The following C6 variants were observed in gnomAD, a reference collection of about 807,000 sequenced individuals.
C6 encodes complement component C6.
In C6, 101 loss-of-function variants were observed where a neutral mutation model predicts 112.9. That is an observed-to-expected ratio of 0.89 (90% CI 0.76 to 1.06). The LOEUF (loss-of-function observed/expected upper bound fraction) is 1.06, where lower values mean the gene tolerates loss of function less well. Among genes scored for constraint, C6 ranks in the 50% least tolerant of loss-of-function variants. C6 has a pLI of 0.00. For synonymous variants in C6, 431 were observed against 384.1 expected, an observed-to-expected ratio of 1.12 and a Z score of -1.43; for missense variants, 1,202 against 1,104.6, an observed-to-expected ratio of 1.09 and a Z score of -1.25.
intron 1 of C6, among the ~76,000 whole-genome samples, chr5:41,209,202 G>T (rs1419192039): frequency 6.6e-6 from 1 of 152,056 alleles, no homozygotes; most frequent in African/African-American, 2.4e-5. Context: ...AATAAACTAG[G>T]TATTGATGGG....
intron 1 of C6, among the ~76,000 whole-genome samples, chr5:41,205,746 C>T (rs906302859): frequency 1.3e-5 from 2 of 152,202 alleles, no homozygotes; most frequent in African/African-American, 4.8e-5. Context: ...TGGAGCCCAC[C>T]ACAGCTCAAG....
At chr5:41,219,675 T>G in intron 1 of C6, among the ~76,000 whole-genome samples, 1 of 152,114 alleles carries the variant, frequency 6.6e-6, no homozygotes, top group East Asian at 1.9e-4. Flanking sequence ...CTTAGCTAAG[T>G]TCGTAGTTAC....
At chr5:41,240,752 C>T (rs1258063481) in intron 1 of C6, among the ~76,000 whole-genome samples, 2 of 152,154 alleles carry the variant, frequency 1.3e-5, no homozygotes, top group African/African-American at 4.8e-5. Context: ...GTGGTGCACA[C>T]ATGTGCCCAG....
chr5:41,261,085 C>T (rs982733015), intron 1 of C6: 5 of 532,940 alleles, frequency 9.4e-6, no homozygotes, highest in African/African-American at 4.1e-5. Context: ...GAACTACTGC[C>T]TTTGTAAACT....
chr5:41,220,864 CT>C (rs1199684002), intron 1 of C6, among the ~76,000 whole-genome samples: 2 of 152,014 alleles, frequency 1.3e-5, no homozygotes, highest in Non-Finnish European at 2.9e-5. Flanking sequence ...TCCTTCTCCC[CT>C]GACCCAATAG....
intron 1 of C6, among the ~76,000 whole-genome samples, chr5:41,255,561 C>T (rs1336622464): frequency 6.6e-6 from 1 of 152,140 alleles, no homozygotes; most frequent in Non-Finnish European, 1.5e-5. Context: ...GGAAGGGACT[C>T]TAATCAGGAA....
chr5:41,169,933 T>A (rs1748287192), intron 9 of C6, among the ~76,000 whole-genome samples: 1 of 152,202 alleles, frequency 6.6e-6, no homozygotes, highest in African/African-American at 2.4e-5. Context: ...TCTGAATTAT[T>A]CCAATTGGTT....
At chr5:41,218,750 ACAC>A (rs1738983701) in intron 1 of C6, among the ~76,000 whole-genome samples, 1 of 152,148 alleles carries the variant, frequency 6.6e-6, no homozygotes, top group African/African-American at 2.4e-5. Context: ...TACTATTTAA[ACAC>A]AGTGTGAAGC....
At chr5:41,210,743 T>A (rs1161697327) in intron 1 of C6, among the ~76,000 whole-genome samples, 1 of 152,108 alleles carries the variant, frequency 6.6e-6, no homozygotes, top group Non-Finnish European at 1.5e-5. Flanking sequence ...AAACAACAGG[T>A]GCTGGAGAGG....
intron 5 of C6, 159 bp from the exon 6 acceptor site, chr5:41,186,367 G>T: frequency 1.4e-6 from 1 of 729,598 alleles, no homozygotes; most frequent in Non-Finnish European, 2.3e-6. Flanking sequence ...CTAGTCCATG[G>T]TGAGGCATGC....
chr5:41,160,742 C>G (rs1747410215), intron 10 of C6, among the ~76,000 whole-genome samples: 1 of 152,074 alleles, frequency 6.6e-6, no homozygotes, highest in African/African-American at 2.4e-5. Context: ...ATTCAAGCAG[C>G]AAAAAATTTA....
chr5:41,182,233 G>A (rs1001114473), intron 6 of C6, among the ~76,000 whole-genome samples: 11 of 150,464 alleles, frequency 7.3e-5, no homozygotes, highest in African/African-American at 1.2e-4. Flanking sequence ...CACTTTAAGA[G>A]TTGATGGGCA....
chr5:41,147,861 T>A (rs547004065), intron 17 of C6, among the ~76,000 whole-genome samples: 79 of 152,308 alleles, frequency 5.2e-4, no homozygotes, highest in South Asian at 1.0e-3. Flanking sequence ...AATTCACAAC[T>A]GTAATGTCTA....
chr5:41,172,044 C>T (rs1474626181), intron 9 of C6, among the ~76,000 whole-genome samples, 181 bp downstream of exon 9: 1 of 152,068 alleles, frequency 6.6e-6, no homozygotes, highest in Non-Finnish European at 1.5e-5. Context: ...TAACAATTTC[C>T]TTTTTTAGGT....
At chr5:41,198,239 T>G (rs796727584) in intron 4 of C6, among the ~76,000 whole-genome samples, 1 of 152,160 alleles carries the variant, frequency 6.6e-6, no homozygotes, top group Non-Finnish European at 1.5e-5. Context: ...TCAGGAGAGA[T>G]AGTTCTTTGT....
At chr5:41,198,037 T>A (rs1750738393) in intron 4 of C6, among the ~76,000 whole-genome samples, 1 of 152,198 alleles carries the variant, frequency 6.6e-6, no homozygotes, top group African/African-American at 2.4e-5. Flanking sequence ...TAAAACCAGC[T>A]GCAAATTCTC....
At chr5:41,245,505 G>GA (rs60737301) in intron 1 of C6, among the ~76,000 whole-genome samples, 1 of 151,046 alleles carries the variant, frequency 6.6e-6, no homozygotes, top group Admixed American at 6.6e-5. Flanking sequence ...TGGGCAAAAA[G>GA]AAAAAAAAAA....
chr5:41,192,603 G>GTT (rs113068492), intron 5 of C6, among the ~76,000 whole-genome samples: 1 of 151,030 alleles, frequency 6.6e-6, no homozygotes, highest in African/African-American at 2.4e-5. Flanking sequence ...ATCTTGGTAA[G>GTT]TTTTTTTTTG....
chr5:41,163,053 G>GT (rs905601063), intron 9 of C6, among the ~76,000 whole-genome samples: 5 of 152,006 alleles, frequency 3.3e-5, no homozygotes, highest in African/African-American at 1.2e-4. Context: ...TGAAGAAAGA[G>GT]TAAGTCTGTT....
Sources: allele counts gnomAD v4.1 joint callset (sites outside exome capture counted in the v4.1 genomes callset), GRCh38; gene constraint gnomAD v4.1.1; transcripts MANE v1.5; gene names NCBI Gene and HGNC (gene_info 2026-07-23, HGNC 2026-07-21).